The following CSMD1 variants were observed in gnomAD, a reference collection of about 807,000 sequenced individuals.
CSMD1 encodes CUB and Sushi multiple domains 1.
Under a neutral mutation model 417.5 loss-of-function variants are expected in CSMD1, and 213 were observed. That is an observed-to-expected ratio of 0.51 (90% CI 0.46 to 0.57). The LOEUF is 0.57. Among genes scored for constraint, CSMD1 ranks in the 20% least tolerant of loss-of-function variants. CSMD1 has a pLI of 0.00. For missense variants in CSMD1, 6,923 were observed against 4,529.7 expected, an observed-to-expected ratio of 1.53 and a Z score of -15.17; for synonymous variants, 2,862 against 1,736.8, an observed-to-expected ratio of 1.65 and a Z score of -16.11.
chr8:4,466,397 AC>A (rs1020173790), intron 2 of CSMD1, among the ~76,000 whole-genome samples: 1 of 152,144 alleles, frequency 6.6e-6, no homozygotes, highest in Non-Finnish European at 1.5e-5. Context: ...TGAAGAAAAA[AC>A]AAAGCCAAAA....
At chr8:4,919,620 T>C (rs1806301964) in intron 1 of CSMD1, among the ~76,000 whole-genome samples, 1 of 152,186 alleles carries the variant, frequency 6.6e-6, no homozygotes, top group Non-Finnish European at 1.5e-5. Context: ...ATTTGTACCA[T>C]AATATGAAAA....
Position 3,369,234 on chromosome 8 carries a change from G to T in CSMD1, c.2899+20C>A. 8.6e-7 allele frequency: 1 copy of T among 1,169,156 alleles called. No homozygotes were observed. The highest frequency in any genetic ancestry group is 1.3e-6 in the Non-Finnish European group (1 of 780,282). The allele number at this position is 1,169,156 out of a possible 1,614,324, so 72.4% of individuals were successfully genotyped here. ...CTCATTTATTAGTCTGTATGTTTGAGACCTATGATAGATTCTTACCTTTCC... is the reference window on the plus strand; with the variant it reads ...CTCATTTATTAGTCTGTATGTTTGATACCTATGATAGATTCTTACCTTTCC... On this transcript the variant is annotated intron_variant, in intron 19 of 69. Transcript: ENST00000635120.
At chr8:3,293,558 T>G (rs1803738608) in intron 25 of CSMD1, among the ~76,000 whole-genome samples, 1 of 152,182 alleles carries the variant, frequency 6.6e-6, no homozygotes, top group African/African-American at 2.4e-5. Flanking sequence ...ACTTCTCTTC[T>G]TGCTTCATTT....
intron 1 of CSMD1, among the ~76,000 whole-genome samples, chr8:4,809,266 G>A (rs1439708953): frequency 2.6e-5 from 4 of 152,108 alleles, no homozygotes; most frequent in African/African-American, 7.2e-5. Context: ...CTAATGAAGG[G>A]CAATAAGAAA....
intron 4 of CSMD1, among the ~76,000 whole-genome samples, chr8:4,000,198 T>C (rs998243709): frequency 1.3e-5 from 2 of 149,684 alleles, no homozygotes; most frequent in African/African-American, 2.5e-5. Flanking sequence ...CAGTTTTTAT[T>C]ACATTCTTGG....
chr8:3,170,680 C>G (rs1000277059), intron 37 of CSMD1, among the ~76,000 whole-genome samples: 3 of 152,124 alleles, frequency 2.0e-5, no homozygotes, highest in Non-Finnish European at 2.9e-5. Context: ...ATGGATCATG[C>G]ACAACTGTAG....
At chr8:4,062,468 C>G (rs1799026139) in intron 3 of CSMD1, among the ~76,000 whole-genome samples, 1 of 152,054 alleles carries the variant, frequency 6.6e-6, no homozygotes, top group Admixed American at 6.6e-5. Context: ...ATGTCAGAAT[C>G]AAATGCACTA....
chr8:4,592,880 C>T (rs1027185245), intron 2 of CSMD1, among the ~76,000 whole-genome samples: 6 of 151,994 alleles, frequency 3.9e-5, no homozygotes, highest in East Asian at 1.9e-4. Flanking sequence ...TTTTCATTTG[C>T]TCCCAAATTC....
At chr8:4,586,892 G>A (rs762977452) in intron 2 of CSMD1, among the ~76,000 whole-genome samples, 2 of 152,182 alleles carry the variant, frequency 1.3e-5, no homozygotes, top group African/African-American at 4.8e-5. Context: ...TATTTGATAA[G>A]AGTGCTTAAC....
At chr8:4,228,115 G>A (rs924087118) in intron 3 of CSMD1, among the ~76,000 whole-genome samples, 4 of 149,660 alleles carry the variant, frequency 2.7e-5, no homozygotes, top group South Asian at 2.1e-4. Context: ...ATTCAACCCC[G>A]TAACAGGAGA....
intron 11 of CSMD1, among the ~76,000 whole-genome samples, chr8:3,492,129 G>C (rs893249969): frequency 1.3e-5 from 2 of 152,196 alleles, no homozygotes; most frequent in Non-Finnish European, 2.9e-5. Context: ...AACTACTTAA[G>C]ATCTTTAACC....
At chr8:3,508,577 A>C (rs1796933311) in intron 10 of CSMD1, among the ~76,000 whole-genome samples, 1 of 152,194 alleles carries the variant, frequency 6.6e-6, no homozygotes, top group Non-Finnish European at 1.5e-5. Flanking sequence ...ATTCAGATGA[A>C]TGAACTGAGA....
intron 3 of CSMD1, among the ~76,000 whole-genome samples, chr8:4,082,749 T>G (rs1433381621): frequency 6.9e-6 from 1 of 145,918 alleles, no homozygotes; most frequent in Non-Finnish European, 1.5e-5. Flanking sequence ...TATCTCCTGA[T>G]GCTATCCCTC....
chr8:4,808,955 T>C (rs535239773), intron 1 of CSMD1, among the ~76,000 whole-genome samples: 1 of 152,324 alleles, frequency 6.6e-6, no homozygotes, highest in Admixed American at 6.5e-5. Flanking sequence ...TTCAAGAACA[T>C]AAGAGATCCA....
chr8:4,441,034 CATCT>C (rs1021963342), intron 2 of CSMD1, among the ~76,000 whole-genome samples: 14 of 137,832 alleles, frequency 1.0e-4, no homozygotes, highest in African/African-American at 2.7e-5. Flanking sequence ...AAAATATATA[CATCT>C]ATTATCATTT....
intron 10 of CSMD1, among the ~76,000 whole-genome samples, chr8:3,499,999 G>T (rs1257125517): frequency 2.0e-5 from 3 of 152,102 alleles, no homozygotes; most frequent in Non-Finnish European, 4.4e-5. Context: ...TATGAGGCCT[G>T]TGGGGGCTTT....
At chr8:3,744,242 G>C (rs143545487) in intron 6 of CSMD1, among the ~76,000 whole-genome samples, 1 of 152,296 alleles carries the variant, frequency 6.6e-6, no homozygotes, top group East Asian at 1.9e-4. Flanking sequence ...TGTGCAACAG[G>C]AGCATGGGAA....
chr8:4,937,391 G>T (rs570664107), intron 1 of CSMD1, among the ~76,000 whole-genome samples: 20 of 152,112 alleles, frequency 1.3e-4, no homozygotes, highest in Admixed American at 6.5e-4. Flanking sequence ...TTCTTTACTG[G>T]GAAATATGAC....
At chr8:4,491,402 C>G (rs546344387) in intron 2 of CSMD1, among the ~76,000 whole-genome samples, 1 of 152,096 alleles carries the variant, frequency 6.6e-6, no homozygotes, top group Non-Finnish European at 1.5e-5. Context: ...GTTTGCAATA[C>G]AGTTAACCTT....
Sources: gnomAD v4.1 joint callset for allele counts (sites outside exome capture counted in the v4.1 genomes callset) on GRCh38, gnomAD v4.1.1 for gene constraint, MANE v1.5 for transcripts, NCBI Gene and HGNC (gene_info 2026-07-23, HGNC 2026-07-21) for gene names.